Variants in CSGALNACT1 observed in about 807,000 individuals in gnomAD.
CSGALNACT1 encodes beta4GalNAcT-1.
In CSGALNACT1, 52 loss-of-function variants were observed where a neutral mutation model predicts 51.0. The ratio of observed to expected loss-of-function variants is 1.02; its 90% confidence interval spans 0.82 to 1.29. CSGALNACT1 has a LOEUF of 1.29. Ranked by LOEUF, CSGALNACT1 falls within the 50% of genes most tolerant of loss-of-function variation. The probability of loss-of-function intolerance (pLI) is 0.00; values close to 1 mark genes in which losing one functional copy is unlikely to be tolerated. For synonymous variants in CSGALNACT1, 341 were observed against 254.4 expected (o/e 1.34, Z -3.24); for missense variants, 935 against 679.2 (o/e 1.38, Z -4.19).
At chr8:19,512,117 G>A (rs1302871886) in intron 3 of CSGALNACT1, among the ~76,000 whole-genome samples, 1 of 152,174 alleles carries the variant, frequency 6.6e-6, no homozygotes, top group Non-Finnish European at 1.5e-5. Flanking sequence ...TATGGCATTT[G>A]TGAGATTAAG....
intron 1 of CSGALNACT1, among the ~76,000 whole-genome samples, chr8:19,752,097 T>G (rs2065068105): frequency 6.9e-6 from 1 of 144,354 alleles, no homozygotes; most frequent in African/African-American, 2.6e-5. Flanking sequence ...ATAAATGATA[T>G]ACATTATTAT....
intron 1 of CSGALNACT1, among the ~76,000 whole-genome samples, chr8:19,744,809 C>A (rs1402934367): frequency 6.6e-6 from 1 of 152,208 alleles, no homozygotes; most frequent in Non-Finnish European, 1.5e-5. Flanking sequence ...GCTACATTTA[C>A]TCTTTCCATA....
chr8:19,566,203 G>C (rs1050581192), intron 3 of CSGALNACT1, among the ~76,000 whole-genome samples: 1 of 152,328 alleles, frequency 6.6e-6, no homozygotes, highest in South Asian at 2.1e-4. Flanking sequence ...GTCATCACAT[G>C]TATTCTTGTA....
Position 19,574,502 on chromosome 8 carries a change from C to T in CSGALNACT1, c.-297+16658G>A, listed in dbSNP as rs534780630. ...TCATGCAGGAACAATAAATACATAG[C>T]CTCATTTTGCACAACAAATGCTGGC... is the stretch of plus-strand genomic sequence containing the variant. On this transcript the variant is annotated intron_variant, in intron 3 of 9. Coordinates refer to ENST00000454498, the Ensembl canonical transcript of CSGALNACT1. Among the ~76,000 whole-genome samples the T allele has an allele frequency of 1.7e-4, 26 of 152,310 alleles. 1 individual carries two copies. In the South Asian group the frequency reaches 4.8e-3, roughly 28 times the overall value.
chr8:19,698,530 C>A (rs1235438946), intron 1 of CSGALNACT1, among the ~76,000 whole-genome samples: 3 of 152,136 alleles, frequency 2.0e-5, no homozygotes, highest in African/African-American at 7.2e-5. Flanking sequence ...GTAACTTGCC[C>A]AATAAGGCCG....
chr8:19,693,574 G>C (rs948685496), intron 1 of CSGALNACT1, among the ~76,000 whole-genome samples: 1 of 152,128 alleles, frequency 6.6e-6, no homozygotes, highest in East Asian at 1.9e-4. Context: ...CTTACCTGCT[G>C]CCCACCCAAC....
chr8:19,755,127 C>A (rs762706582), intron 1 of CSGALNACT1, among the ~76,000 whole-genome samples: 45 of 152,268 alleles, frequency 3.0e-4, no homozygotes, highest in Non-Finnish European at 5.0e-4. Context: ...AAGATGAGGA[C>A]CCTTGCAGAC....
chr8:19,721,163 A>G (rs1460120853), intron 1 of CSGALNACT1, among the ~76,000 whole-genome samples: 1 of 152,146 alleles, frequency 6.6e-6, no homozygotes, highest in Non-Finnish European at 1.5e-5. Context: ...CCAGAACCAC[A>G]TTGGAGATAT....
intron 5 of CSGALNACT1, chr8:19,457,667 T>C (rs1444116913): frequency 3.9e-6 from 5 of 1,294,358 alleles, no homozygotes; most frequent in East Asian, 5.4e-5. Flanking sequence ...AATTAGACAG[T>C]AGGATTTTCT....
At chr8:19,700,565 T>C (rs1005753048) in intron 1 of CSGALNACT1, among the ~76,000 whole-genome samples, 2 of 152,178 alleles carry the variant, frequency 1.3e-5, no homozygotes, top group Non-Finnish European at 2.9e-5. Flanking sequence ...TAGTGCATGA[T>C]CCATGGTGGT....
At chr8:19,406,220 G>T in intron 9 of CSGALNACT1, 151 bp from the exon 9 acceptor site, 1 of 906,162 alleles carries the variant, frequency 1.1e-6, no homozygotes. Flanking sequence ...GTCCACCTGG[G>T]TCAGAAGCCC....
chr8:19,570,612 C>T (rs773207157), intron 3 of CSGALNACT1, among the ~76,000 whole-genome samples: 1 of 152,116 alleles, frequency 6.6e-6, no homozygotes, highest in African/African-American at 2.4e-5. Context: ...TAATTTAAGA[C>T]ATGTACAGGC....
intron 2 of CSGALNACT1, among the ~76,000 whole-genome samples, chr8:19,597,082 G>C (rs903662504): frequency 6.6e-6 from 1 of 152,012 alleles, no homozygotes; most frequent in African/African-American, 2.4e-5. Flanking sequence ...CATATTAGTG[G>C]AATCACACAG....
At chr8:19,476,331 C>T (rs145910759) in intron 4 of CSGALNACT1, among the ~76,000 whole-genome samples, 6 of 152,192 alleles carry the variant, frequency 3.9e-5, no homozygotes, top group Non-Finnish European at 5.9e-5. Context: ...CTCTGCCTTC[C>T]GAGTTCAAGC....
At chr8:19,756,201 C>T (rs564374299) in intron 1 of CSGALNACT1, among the ~76,000 whole-genome samples, 87 of 151,694 alleles carry the variant, frequency 5.7e-4, no homozygotes, top group African/African-American at 2.1e-3. Context: ...CGAAATCCTA[C>T]AGAATTAAAT....
intron 1 of CSGALNACT1, among the ~76,000 whole-genome samples, chr8:19,689,892 A>G (rs956890107): frequency 2.6e-5 from 4 of 152,208 alleles, no homozygotes; most frequent in Admixed American, 6.5e-5. Flanking sequence ...TTTTTGCGCT[A>G]TGCTGTTTTC....
At chr8:19,648,381 C>A (rs954711989) in intron 1 of CSGALNACT1, among the ~76,000 whole-genome samples, 1 of 152,196 alleles carries the variant, frequency 6.6e-6, no homozygotes, top group Admixed American at 6.5e-5. Flanking sequence ...CTGTGAAGAG[C>A]AATTCATCAA....
chr8:19,516,482 C>T (rs536949092), intron 3 of CSGALNACT1, among the ~76,000 whole-genome samples: 27 of 152,224 alleles, frequency 1.8e-4, no homozygotes, highest in African/African-American at 6.5e-4. Flanking sequence ...GCTTGCCTGG[C>T]CCCTCAAACG....
intron 6 of CSGALNACT1, among the ~76,000 whole-genome samples, chr8:19,430,382 G>T (rs1218756681): frequency 3.3e-5 from 5 of 152,036 alleles, no homozygotes; most frequent in African/African-American, 4.8e-5. Flanking sequence ...TATATATAGT[G>T]GATGTATACC....
Sources: gnomAD v4.1 joint callset for allele counts (sites outside exome capture counted in the v4.1 genomes callset) on GRCh38, gnomAD v4.1.1 for gene constraint, MANE v1.5 for transcripts, NCBI Gene and HGNC (gene_info 2026-07-23, HGNC 2026-07-21) for gene names.